Variants in CDKL4 observed in about 807,000 individuals in gnomAD.
CDKL4 encodes the protein cyclin-dependent kinase-like 4.
A neutral mutation model predicts 42.0 loss-of-function variants in CDKL4; 44 were observed. That is an observed-to-expected ratio of 1.05 (90% confidence interval 0.82 to 1.35). The LOEUF is 1.35. CDKL4 is among the 40% of genes most tolerant of loss of function. The pLI, the probability that CDKL4 is intolerant of heterozygous loss-of-function variation, is 0.00. For synonymous variants in CDKL4, 120 were observed against 121.6 expected (o/e 0.99, Z 0.09); for missense variants, 393 against 369.9 (o/e 1.06, Z -0.51).
At chr2:39,182,771 A>G (rs1367590310) in intron 8 of CDKL4, among the ~76,000 whole-genome samples, 2 of 152,220 alleles carry the variant, frequency 1.3e-5, no homozygotes, top group Non-Finnish European at 2.9e-5. Flanking sequence ...TATGGAAATA[A>G]ATGAGTAATA....
intron 1 of CDKL4, among the ~76,000 whole-genome samples, chr2:39,238,469 T>C (rs537030475): frequency 2.0e-4 from 30 of 152,238 alleles, no homozygotes; most frequent in African/African-American, 7.2e-4. Flanking sequence ...ACAAAATTAA[T>C]TCCTTATACA....
chr2:39,184,582 C>G lies in CDKL4; in HGVS notation c.792+9G>C. ...TAGCTAATAAGAGTTATAATTGATT[C>G]TTAAGTACCTTCATGAAGTTCAGAG... On this transcript the variant is annotated intron_variant, in intron 8 of 9. Coordinates refer to ENST00000451199, the Ensembl canonical transcript of CDKL4. 1 of 1,601,748 alleles carries G rather than the reference C, an allele frequency of 6.2e-7. No homozygotes were observed. Among genetic ancestry groups the G allele is most frequent in the Admixed American group, 1.7e-5 (1 of 59,844 alleles).
chr2:39,237,775 A>T (rs1679449747), intron 1 of CDKL4, among the ~76,000 whole-genome samples: 1 of 152,206 alleles, frequency 6.6e-6, no homozygotes, highest in South Asian at 2.1e-4. Flanking sequence ...AACTGTCATT[A>T]TTCAGAAATG....
At chr2:39,170,509 T>C in the CDKL4 span, among the ~76,000 whole-genome samples, 10 of 152,172 alleles carry the variant, frequency 6.6e-5, no homozygotes, top group South Asian at 6.2e-4. Context: ...CAGGCTAGAA[T>C]GCAAAGGCAC....
intron 4 of CDKL4, among the ~76,000 whole-genome samples, chr2:39,209,620 C>G (rs1196472093): frequency 6.6e-6 from 1 of 152,206 alleles, no homozygotes; most frequent in Non-Finnish European, 1.5e-5. Context: ...CCCAGGTGAT[C>G]TCTATGAACC....
intron 1 of CDKL4, among the ~76,000 whole-genome samples, chr2:39,234,095 A>T (rs1679231253): frequency 6.6e-6 from 1 of 150,918 alleles, no homozygotes; most frequent in South Asian, 2.1e-4. Flanking sequence ...TGTATTTTTT[A>T]GTACAGGTGG....
upstream of CDKL4, among the ~76,000 whole-genome samples, chr2:39,244,631 C>T (rs888639411): frequency 1.3e-5 from 2 of 152,244 alleles, no homozygotes; most frequent in Non-Finnish European, 2.9e-5. Flanking sequence ...CGCCCAGTCC[C>T]ATCGACCACC....
intron 1 of CDKL4, among the ~76,000 whole-genome samples, chr2:39,237,786 A>G (rs1223228474): frequency 1.3e-5 from 2 of 152,242 alleles, no homozygotes; most frequent in Admixed American, 1.3e-4. Flanking sequence ...TTCAGAAATG[A>G]CATGATACTA....
At chr2:39,230,039 T>C (rs1261167813) in intron 1 of CDKL4, among the ~76,000 whole-genome samples, 1 of 152,244 alleles carries the variant, frequency 6.6e-6, no homozygotes, top group Admixed American at 6.5e-5. Context: ...TACTTCCACC[T>C]GGTGGAGAGA....
chr2:39,239,844 C>A (rs1345448330), intron 1 of CDKL4, among the ~76,000 whole-genome samples: 1 of 152,012 alleles, frequency 6.6e-6, no homozygotes, highest in African/African-American at 2.4e-5. Context: ...AATCCCAACA[C>A]TTTGGGAGGC....
chr2:39,204,155 C>T (rs988573784), intron 5 of CDKL4, among the ~76,000 whole-genome samples: 2 of 152,172 alleles, frequency 1.3e-5, no homozygotes, highest in African/African-American at 2.4e-5. Context: ...CAACCACTCT[C>T]GCCCACATTA....
intron 3 of CDKL4, among the ~76,000 whole-genome samples, chr2:39,213,712 A>C (rs1251213965): frequency 6.6e-6 from 1 of 152,192 alleles, no homozygotes; most frequent in African/African-American, 2.4e-5. Flanking sequence ...ATGAAGATTC[A>C]AAAAATATAG....
At chr2:39,185,160 ACATATG>A (rs1675656924) in intron 7 of CDKL4, among the ~76,000 whole-genome samples, 1 of 135,880 alleles carries the variant, frequency 7.4e-6, no homozygotes, top group African/African-American at 2.8e-5. Flanking sequence ...ATATATATAC[ACATATG>A]TATATATATA....
chr2:39,201,312 A>AT (rs889474613), intron 5 of CDKL4, among the ~76,000 whole-genome samples: 1 of 151,684 alleles, frequency 6.6e-6, no homozygotes, highest in Non-Finnish European at 1.5e-5. Context: ...AATAAAAAAA[A>AT]AAAAACTACA....
At chr2:39,231,956 T>C (rs1442368016) in intron 1 of CDKL4, among the ~76,000 whole-genome samples, 2 of 152,208 alleles carry the variant, frequency 1.3e-5, no homozygotes, top group African/African-American at 2.4e-5. Flanking sequence ...TAAAACTTTA[T>C]AGATTTGTTA....
chr2:39,226,043 TGGAAG>T, intron 2 of CDKL4, 83 bp from the exon 3 acceptor site: 1 of 1,349,486 alleles, frequency 7.4e-7, no homozygotes, highest in East Asian at 2.6e-5. Context: ...AACTTAAAGT[TGGAAG>T]AAATTTAAGA....
intron 7 of CDKL4, 38 bp downstream of exon 7, chr2:39,187,589 A>C (rs917532260): frequency 7.3e-7 from 1 of 1,370,990 alleles, no homozygotes; most frequent in African/African-American, 1.5e-5. Context: ...AGAAAGCCGC[A>C]ACACAAGTAA....
chr2:39,229,173 T>C (rs373814847), intron 2 of CDKL4, among the ~76,000 whole-genome samples, 192 bp downstream of exon 2: 4 of 152,218 alleles, frequency 2.6e-5, no homozygotes, highest in Non-Finnish European at 2.9e-5. Flanking sequence ...TAACAATCTA[T>C]AGCTGTATTC....
At chr2:39,224,758 C>G (rs1380567881) in intron 3 of CDKL4, among the ~76,000 whole-genome samples, 1 of 152,070 alleles carries the variant, frequency 6.6e-6, no homozygotes, top group African/African-American at 2.4e-5. Flanking sequence ...CCTGCCTCAG[C>G]CTCCCAAAGG....
Sources: allele counts gnomAD v4.1 joint callset (sites outside exome capture counted in the v4.1 genomes callset), GRCh38; gene constraint gnomAD v4.1.1; transcripts MANE v1.5; gene names NCBI Gene and HGNC (gene_info 2026-07-23, HGNC 2026-07-21).